Variants in IMMP2L observed in about 807,000 individuals in gnomAD.
The protein encoded by IMMP2L is inner mitochondrial membrane peptidase subunit 2.
In IMMP2L, 18 loss-of-function variants were observed where a neutral mutation model predicts 19.3. The ratio of observed to expected loss-of-function variants is 0.93; its 90% CI spans 0.64 to 1.38. The LOEUF is 1.38. IMMP2L is among the 40% of genes most tolerant of loss of function. The pLI is 0.00. For missense variants in IMMP2L, 233 were observed against 218.2 expected (o/e 1.07, Z -0.43); for synonymous variants, 76 against 73.0 (o/e 1.04, Z -0.21).
intron 3 of IMMP2L, among the ~76,000 whole-genome samples, chr7:111,012,206 T>C (rs7795999): frequency 0.011 from 1,600 of 152,308 alleles, 32 homozygotes; most frequent in African/African-American, 0.036. Context: ...AATTTTCATA[T>C]GCACCATTTC....
chr7:111,170,103 C>G (rs1412387302), intron 3 of IMMP2L, among the ~76,000 whole-genome samples: 1 of 151,852 alleles, frequency 6.6e-6, no homozygotes, highest in Non-Finnish European at 1.5e-5. Context: ...GTTGAAACTG[C>G]TGAAACTATG....
At chr7:111,445,244 A>T (rs571479225) in intron 3 of IMMP2L, among the ~76,000 whole-genome samples, 39 of 152,078 alleles carry the variant, frequency 2.6e-4, no homozygotes, top group African/African-American at 8.9e-4. Flanking sequence ...TGGGCAGACA[A>T]ACTGTGGGGA....
At chr7:111,502,638 A>C (rs1405423007) in intron 2 of IMMP2L, among the ~76,000 whole-genome samples, 1 of 152,106 alleles carries the variant, frequency 6.6e-6, no homozygotes, top group Non-Finnish European at 1.5e-5. Context: ...CCACAGTGCA[A>C]TCAAACTAGA....
At chr7:111,411,499 C>A in intron 3 of IMMP2L, 1 of 445,352 alleles carries the variant, frequency 2.2e-6, no homozygotes, top group Non-Finnish European at 4.5e-6. Flanking sequence ...GCTGTATTGA[C>A]ATTATGGAGA....
chr7:110,886,637 C>G lies in IMMP2L; in HGVS notation c.364G>C (p.Gly122Arg), dbSNP rs764538436. 3.1e-6 allele frequency: 5 copies of G among 1,610,436 alleles called. No individual in the cohort carries two copies. The South Asian group carries it at 5.5e-5, about 18-fold the overall frequency. ...TCAAAACTGTGTCCATGATGATCACCTTCAACCCAGATGTGACCACGGGGG... is the reference window on the plus strand; with the variant it reads ...TCAAAACTGTGTCCATGATGATCACGTTCAACCCAGATGTGACCACGGGGG... ...KVPRGHIWVE[G>R]DHHGHSFDSN... Residue 122 changes from glycine to arginine, a missense_variant, in exon 5 of 6, where the codon GGT becomes CGT. Physicochemically the swap from Gly to Arg is moderately radical, Grantham distance 125. Transcript: ENST00000405709.
intron 5 of IMMP2L, among the ~76,000 whole-genome samples, chr7:110,809,179 A>G (rs916811519): frequency 7.2e-5 from 11 of 152,080 alleles, no homozygotes; most frequent in South Asian, 4.1e-4. Context: ...GCAAAGTCAT[A>G]TCAATGAAGA....
chr7:111,373,306 G>A (rs1830409937), intron 3 of IMMP2L, among the ~76,000 whole-genome samples: 1 of 152,012 alleles, frequency 6.6e-6, no homozygotes, highest in Non-Finnish European at 1.5e-5. Flanking sequence ...TGGCATCTGA[G>A]GAATAAAGGT....
intron 2 of IMMP2L, among the ~76,000 whole-genome samples, chr7:111,502,366 T>C (rs1490296314): frequency 6.6e-6 from 1 of 152,056 alleles, no homozygotes; most frequent in Non-Finnish European, 1.5e-5. Flanking sequence ...CACACAATAA[T>C]AATGGGAGAC....
chr7:111,407,610 T>C (rs1834010110), intron 3 of IMMP2L, among the ~76,000 whole-genome samples: 1 of 151,932 alleles, frequency 6.6e-6, no homozygotes, highest in Admixed American at 6.6e-5. Context: ...GGAAAATCAA[T>C]AGAAATACAA....
intron 2 of IMMP2L, among the ~76,000 whole-genome samples, chr7:111,488,824 C>T (rs934681684): frequency 6.6e-6 from 1 of 152,052 alleles, no homozygotes; most frequent in African/African-American, 2.4e-5. Flanking sequence ...CCACCAGCAG[C>T]GTAAAAGTGT....
chr7:110,810,636 T>C (rs1458438844), intron 5 of IMMP2L, among the ~76,000 whole-genome samples: 1 of 152,006 alleles, frequency 6.6e-6, no homozygotes, highest in Non-Finnish European at 1.5e-5. Context: ...TCCCACATGC[T>C]TAGAGTTCCG....
intron 4 of IMMP2L, among the ~76,000 whole-genome samples, chr7:110,892,375 C>A (rs1810890705): frequency 6.6e-6 from 1 of 152,064 alleles, no homozygotes; most frequent in African/African-American, 2.4e-5. Context: ...CTATTACCAC[C>A]CTAAAATTAT....
At chr7:111,016,480 CTATAT>C (rs1013244849) in intron 3 of IMMP2L, among the ~76,000 whole-genome samples, 32 of 122,414 alleles carry the variant, frequency 2.6e-4, no homozygotes, top group Non-Finnish European at 4.4e-4. Flanking sequence ...GTAGTTTATA[CTATAT>C]ATTTTATAAT....
At chr7:110,857,928 G>A (rs1806971546) in intron 5 of IMMP2L, among the ~76,000 whole-genome samples, 1 of 152,056 alleles carries the variant, frequency 6.6e-6, no homozygotes. Context: ...CGCCTTGTAA[G>A]AGATGATATA....
intron 2 of IMMP2L, among the ~76,000 whole-genome samples, chr7:111,511,328 C>T (rs999312620): frequency 6.6e-6 from 1 of 152,026 alleles, no homozygotes; most frequent in Non-Finnish European, 1.5e-5. Flanking sequence ...AATCCTGCAA[C>T]CTGTAGCTAC....
intron 4 of IMMP2L, among the ~76,000 whole-genome samples, chr7:110,935,046 T>C (rs1402858268): frequency 2.6e-5 from 4 of 152,216 alleles, no homozygotes; most frequent in Non-Finnish European, 5.9e-5. Flanking sequence ...ATTATGATAA[T>C]AGCTGGTTAT....
intron 3 of IMMP2L, among the ~76,000 whole-genome samples, chr7:111,088,244 C>G (rs1435180390): frequency 3.3e-5 from 5 of 152,126 alleles, no homozygotes; most frequent in Non-Finnish European, 5.9e-5. Context: ...ATGATGAAGG[C>G]AAAACTCTTT....
intron 3 of IMMP2L, among the ~76,000 whole-genome samples, chr7:111,156,276 C>A (rs1258781625): frequency 6.6e-6 from 1 of 152,080 alleles, no homozygotes; most frequent in Non-Finnish European, 1.5e-5. Context: ...AGGCTGTCAA[C>A]AGTTTTTCAG....
rs752631512 is a variant in IMMP2L, at chr7:110,902,931, CAAAAAAA to C, written c.306-16243_306-16237del. ...TGGGCGACAGAGCGAGACTCCGTCT[CAAAAAAA>C]AAAAAAAAAAAAAAAAAAGAGTACA... On this transcript the variant is annotated intron_variant, in intron 4 of 5. Coordinates refer to ENST00000405709, the MANE Select transcript of IMMP2L (RefSeq NM_032549.4). Among the ~76,000 whole-genome samples the C allele has an allele frequency of 1.5e-3, 13 of 8,594 alleles. No homozygotes were observed. In the South Asian group the frequency reaches 0.029, roughly 19 times the overall value. 5.6% of individuals were successfully genotyped at this position (8,594 alleles called of 152,430 possible).
Sources: allele counts gnomAD v4.1 joint callset (sites outside exome capture counted in the v4.1 genomes callset), GRCh38; gene constraint gnomAD v4.1.1; transcripts MANE v1.5; gene names NCBI Gene and HGNC (gene_info 2026-07-23, HGNC 2026-07-21).